MAP3K4: variants seen among roughly 807,000 people sequenced by gnomAD.
MAP3K4 encodes the protein MAP three kinase 1.
A neutral mutation model predicts 185.6 loss-of-function variants in MAP3K4; 67 were observed. The ratio of observed to expected loss-of-function variants is 0.36; its 90% CI spans 0.30 to 0.44. The LOEUF is 0.44. Among genes scored for constraint, MAP3K4 ranks in the 20% least tolerant of loss-of-function variants. MAP3K4 has a pLI of 1.00. For synonymous variants in MAP3K4, 702 were observed against 710.4 expected (o/e 0.99, Z 0.19); for missense variants, 1,551 against 1,995.1 (o/e 0.78, Z 4.24).
intron 1 of MAP3K4, among the ~76,000 whole-genome samples, chr6:161,009,474 T>C (rs920683355): frequency 6.6e-6 from 1 of 152,212 alleles, no homozygotes; most frequent in Non-Finnish European, 1.5e-5. Flanking sequence ...AGATATCTCA[T>C]GTAAGTGGAA....
intron 7 of MAP3K4, among the ~76,000 whole-genome samples, chr6:161,085,430 A>T (rs921054458): frequency 6.6e-6 from 1 of 151,944 alleles, no homozygotes; most frequent in African/African-American, 2.4e-5. Context: ...TGAAATTGCT[A>T]CTCTTTGTGG....
rs1283853745 is a variant in MAP3K4 at position 161,073,230 on chromosome 6, CTG to C, written c.1951-232_1951-231del. ...AGTAATTGCCTATATGGTATTTTCT[CTG>C]TGTATCCATGCTGTAGTATTAAATT... On this transcript the variant is annotated intron_variant, in intron 4 of 26. Transcript: ENST00000392142. The surrounding 1 kb of genome is among the most constrained non-coding windows in gnomAD (Gnocchi z 4.2). The C allele has an allele frequency of 5.8e-6, 2 of 344,286 alleles. No individual in the cohort carries two copies. The highest frequency in any genetic ancestry group is 4.2e-5 in the African/African-American group (2 of 47,366). The allele number at this position is 344,286 out of a possible 1,614,324, so 21.3% of individuals were successfully genotyped here.
rs975588765 is a variant in MAP3K4 at position 161,114,558 on chromosome 6, A to G, written c.4627-565A>G. On this transcript the variant is annotated intron_variant, in intron 25 of 26. Transcript: ENST00000392142. The surrounding 1 kb of genome is among the most constrained non-coding windows in gnomAD (Gnocchi z 4.3). Reference sequence around the variant, plus strand: ...GCCACACATAAAAGAACAGGTTCTCATATTGAAGAATACATATTGGCAATG... The same window carrying G: ...GCCACACATAAAAGAACAGGTTCTCGTATTGAAGAATACATATTGGCAATG... Among the ~76,000 whole-genome samples the G allele has an allele frequency of 6.6e-6, 1 of 152,242 alleles. No homozygotes were observed. The highest frequency in any genetic ancestry group is 1.5e-5 in the Non-Finnish European group (1 of 68,042).
chr6:161,111,715 G>A, intron 23 of MAP3K4, 121 bp from the exon 24 acceptor site: 1 of 999,734 alleles, frequency 1.0e-6, no homozygotes, highest in Non-Finnish European at 1.5e-6. Context: ...TGTAAGTCAA[G>A]TTTCATAAGC....
At chr6:161,028,544 A>G (rs13200744) in intron 1 of MAP3K4, among the ~76,000 whole-genome samples, 10,699 of 152,298 alleles carry the variant, frequency 0.07, 623 homozygotes, top group East Asian at 0.34. Flanking sequence ...TTTTGAACAC[A>G]TAATCTGCAC....
chr6:161,036,278 A>T (rs1783161834), intron 2 of MAP3K4, among the ~76,000 whole-genome samples: 1 of 152,226 alleles, frequency 6.6e-6, no homozygotes, highest in Non-Finnish European at 1.5e-5. Flanking sequence ...TTTCAGATGA[A>T]GAAGCTAATG....
rs1305394659 is a variant in MAP3K4 at position 161,061,941 on chromosome 6, A to T, written c.1708-8667A>T. ...TGTGAAGTACTTGGTTTTACAAGAA[A>T]ATCTAAATGTATTCTCAAAGAAGTT... On this transcript the variant is annotated intron_variant, in intron 3 of 26. Coordinates refer to ENST00000392142, the MANE Select transcript of MAP3K4 (RefSeq NM_005922.4). The surrounding 1 kb of genome is among the most constrained non-coding windows in gnomAD (Gnocchi z 4.2). 6.6e-6 allele frequency among the ~76,000 whole-genome samples: 1 copy of T among 152,190 alleles called. No homozygotes were observed. The highest frequency in any genetic ancestry group is 2.4e-5 in the African/African-American group (1 of 41,460).
intron 2 of MAP3K4, among the ~76,000 whole-genome samples, chr6:161,042,968 G>A (rs1783557124): frequency 6.6e-6 from 1 of 152,034 alleles, no homozygotes. Context: ...ATCTCAAGGT[G>A]TGTGTGTGTG....
intron 1 of MAP3K4, among the ~76,000 whole-genome samples, chr6:161,000,955 T>C (rs976193428): frequency 6.9e-6 from 1 of 145,858 alleles, no homozygotes; most frequent in African/African-American, 2.5e-5. Flanking sequence ...ATAGTGCATA[T>C]TATATATAAT....
At chr6:161,011,836 C>G (rs1044312301) in intron 1 of MAP3K4, among the ~76,000 whole-genome samples, 1 of 152,194 alleles carries the variant, frequency 6.6e-6, no homozygotes, top group Admixed American at 6.5e-5. Context: ...TGCAGTCCAC[C>G]CTACCCATCT....
rs1260918034 is a variant in MAP3K4, at chr6:161,022,208, G to GA, written c.153-12050dup. Reference sequence around the variant, plus strand: ...TGCACATTGACCTTCCTGGAACGCAGAGTGTAATCCCTGCATTTGGTACGG... The same window carrying GA: ...TGCACATTGACCTTCCTGGAACGCAGAAGTGTAATCCCTGCATTTGGTACGG... On this transcript the variant is annotated intron_variant, in intron 1 of 26. Coordinates refer to ENST00000392142, the MANE Select transcript of MAP3K4 (RefSeq NM_005922.4). This position sits in a 1 kb window ranked among gnomAD's most constrained non-coding sequence, Gnocchi z 4.2. 1 of 152,214 alleles carries GA rather than the reference G, an allele frequency of 6.6e-6. No individual in the cohort carries two copies. The highest frequency in any genetic ancestry group is 2.4e-5 in the African/African-American group (1 of 41,450). The allele number at this position is 152,214 out of a possible 1,614,324, so 9.4% of individuals were successfully genotyped here.
At chr6:161,012,583 T>A (rs1781899150) in intron 1 of MAP3K4, among the ~76,000 whole-genome samples, 1 of 152,192 alleles carries the variant, frequency 6.6e-6, no homozygotes, top group African/African-American at 2.4e-5. Context: ...AACGAACTTA[T>A]AAAATACATA....
chr6:161,096,130 T>C lies in MAP3K4; in HGVS notation c.3428-950T>C, dbSNP rs1166605195. The stretch of plus-strand genomic sequence containing the variant: ...CACAAATTGCCTGAGGGTTTTTTGT[T>C]AACAATCCCTTAAGTTTTGTTTTGT... On this transcript the variant is annotated intron_variant, in intron 15 of 26. Coordinates refer to ENST00000392142, the MANE Select transcript of MAP3K4 (RefSeq NM_005922.4). The surrounding 1 kb of genome is among the most constrained non-coding windows in gnomAD (Gnocchi z 4.9). Among the ~76,000 whole-genome samples the C allele has an allele frequency of 1.3e-5, 2 of 152,198 alleles. No individual in the cohort carries two copies. Among genetic ancestry groups the C allele is most frequent in the African/African-American group, 4.8e-5 (2 of 41,456 alleles).
At chr6:161,044,351 C>CACAG (rs1783622533) in intron 2 of MAP3K4, among the ~76,000 whole-genome samples, 2 of 152,098 alleles carry the variant, frequency 1.3e-5, no homozygotes, top group Non-Finnish European at 2.9e-5. Flanking sequence ...TTCCATTTGA[C>CACAG]TTTTGTTAAT....
chr6:161,089,834 G>A (rs1362322286), intron 11 of MAP3K4, among the ~76,000 whole-genome samples: 2 of 152,138 alleles, frequency 1.3e-5, no homozygotes, highest in African/African-American at 4.8e-5. Flanking sequence ...CTCCATATCA[G>A]CAGTGTGTAA....
Position 161,109,594 on chromosome 6 carries a change from C to T in MAP3K4, c.4237-161C>T, listed in dbSNP as rs914451179. 6.6e-5 allele frequency among the ~76,000 whole-genome samples: 10 copies of T among 152,078 alleles called. No individual in the cohort carries two copies. Among genetic ancestry groups the T allele is most frequent in the Non-Finnish European group, 1.2e-4 (8 of 68,014 alleles). ...GACACCTCTATAGAGGACTTAGAAA[C>T]GACTGTTGTGAGACACATTCAGTGC... On this transcript the variant is annotated intron_variant, in intron 22 of 26. Transcript: ENST00000392142. The surrounding 1 kb of genome is among the most constrained non-coding windows in gnomAD (Gnocchi z 5.7).
rs752708888 is a variant in MAP3K4, at chr6:161,076,454, C to T, written c.2097+2842C>T. Among the ~76,000 whole-genome samples the T allele has an allele frequency of 2.0e-5, 3 of 152,144 alleles. No homozygotes were observed. The highest frequency in any genetic ancestry group is 4.4e-5 in the Non-Finnish European group (3 of 68,040). Reference sequence around the variant, plus strand: ...TCTGCGTTAGGACATCCACTGTACTCGAAAAACTGAGACACTTAAGCATGT... The same window carrying T: ...TCTGCGTTAGGACATCCACTGTACTTGAAAAACTGAGACACTTAAGCATGT... On this transcript the variant is annotated intron_variant, in intron 5 of 26. Transcript: ENST00000392142. The surrounding 1 kb of genome is among the most constrained non-coding windows in gnomAD (Gnocchi z 4.2).
In MAP3K4 at chr6:161,109,979, TC is replaced by T; in HGVS notation, c.4396+66del. 6.5e-7 allele frequency: 1 copy of T among 1,545,194 alleles called. No homozygotes were observed. Among genetic ancestry groups the T allele is most frequent in the Non-Finnish European group, 8.9e-7 (1 of 1,122,830 alleles). On this transcript the variant is annotated intron_variant, in intron 23 of 26. Coordinates refer to ENST00000392142, the MANE Select transcript of MAP3K4 (RefSeq NM_005922.4). The surrounding 1 kb of genome is among the most constrained non-coding windows in gnomAD (Gnocchi z 5.7). ...CTGGTACCCAGCCCGTGGGAGGTGC[TC>T]TGAAGACGCTCATCCCATTCCCACA... is the stretch of plus-strand genomic sequence containing the variant.
At chr6:161,085,159 AC>A (rs1322834978) in intron 7 of MAP3K4, among the ~76,000 whole-genome samples, 1 of 146,010 alleles carries the variant, frequency 6.8e-6, no homozygotes, top group Non-Finnish European at 1.5e-5. Context: ...AAAAAAAAAA[AC>A]TAAAGATAAA....
Sources: allele counts gnomAD v4.1 joint callset (sites outside exome capture counted in the v4.1 genomes callset), GRCh38; gene constraint gnomAD v4.1.1; non-coding constraint Gnocchi (gnomAD v3.1); transcripts MANE v1.5; gene names NCBI Gene and HGNC (gene_info 2026-07-23, HGNC 2026-07-21).